The following STXBP5L variants were observed in gnomAD, a reference collection of about 807,000 sequenced individuals.
STXBP5L encodes the protein syntaxin-binding protein 5-like.
Under a neutral mutation model 144.5 loss-of-function variants are expected in STXBP5L, and 65 were observed. The ratio of observed to expected loss-of-function variants is 0.45; its 90% CI spans 0.37 to 0.55. The LOEUF (loss-of-function observed/expected upper bound fraction) is 0.55. Ranked by LOEUF, STXBP5L falls within the 20% of genes least tolerant of loss-of-function variation. The probability of loss-of-function intolerance (pLI) is 0.00; values close to 1 mark genes in which losing one functional copy is unlikely to be tolerated. For missense variants in STXBP5L, 1,298 were observed against 1,405.5 expected, an observed-to-expected ratio of 0.92 and a Z score of 1.22; for synonymous variants, 505 against 469.6, an observed-to-expected ratio of 1.08 and a Z score of -0.97.
At chr3:121,317,631 G>A (rs1189707957) in intron 19 of STXBP5L, among the ~76,000 whole-genome samples, 1 of 152,118 alleles carries the variant, frequency 6.6e-6, no homozygotes, top group Non-Finnish European at 1.5e-5. Context: ...AAGAAAGTCT[G>A]TGAGACTTTC....
At chr3:121,356,432 C>T (rs1474584025) in intron 20 of STXBP5L, among the ~76,000 whole-genome samples, 1 of 152,252 alleles carries the variant, frequency 6.6e-6, no homozygotes. Context: ...TGCCACCTCA[C>T]AGCTCAATCT....
intron 5 of STXBP5L, among the ~76,000 whole-genome samples, chr3:121,101,510 G>A (rs925341520): frequency 6.6e-6 from 1 of 152,002 alleles, no homozygotes; most frequent in African/African-American, 2.4e-5. Flanking sequence ...CACAGAAAAT[G>A]CTGTTGATAA....
intron 20 of STXBP5L, among the ~76,000 whole-genome samples, chr3:121,352,930 T>C (rs2045353015): frequency 6.6e-6 from 1 of 152,168 alleles, no homozygotes; most frequent in Non-Finnish European, 1.5e-5. Context: ...TCTGCATCTA[T>C]TGAGATAATC....
intron 10 of STXBP5L, among the ~76,000 whole-genome samples, chr3:121,216,813 A>G (rs542730959): frequency 1.3e-5 from 2 of 152,282 alleles, no homozygotes; most frequent in South Asian, 4.1e-4. Flanking sequence ...GCTCTGTCCA[A>G]GGGAGATGGG....
intron 19 of STXBP5L, among the ~76,000 whole-genome samples, chr3:121,306,432 C>T (rs2043339574): frequency 6.6e-6 from 1 of 152,100 alleles, no homozygotes; most frequent in Non-Finnish European, 1.5e-5. Context: ...TTGCCCTTAC[C>T]CCATCTTGCT....
chr3:121,115,477 A>T (rs2044192513), intron 6 of STXBP5L, among the ~76,000 whole-genome samples: 1 of 152,142 alleles, frequency 6.6e-6, no homozygotes, highest in Admixed American at 6.6e-5. Context: ...TCAGGGCTCA[A>T]ATATCTTTTA....
chr3:121,028,292 G>T (rs982388983), intron 3 of STXBP5L, among the ~76,000 whole-genome samples: 3 of 151,912 alleles, frequency 2.0e-5, no homozygotes, highest in Admixed American at 6.6e-5. Context: ...ACTTTTTCAG[G>T]CTATAGCAGA....
chr3:121,116,796 A>T (rs1049621388), intron 6 of STXBP5L, among the ~76,000 whole-genome samples: 105 of 152,080 alleles, frequency 6.9e-4, no homozygotes, highest in African/African-American at 2.5e-3. Context: ...TAAAAGCAAT[A>T]AAAGGGCTGA....
At chr3:121,337,857 C>G (rs147426794) in intron 20 of STXBP5L, among the ~76,000 whole-genome samples, 2 of 152,056 alleles carry the variant, frequency 1.3e-5, no homozygotes, top group Non-Finnish European at 2.9e-5. Context: ...ATATCAAGTA[C>G]CTTCTTAGAC....
At chr3:121,392,282 C>A (rs545989684) in intron 22 of STXBP5L, among the ~76,000 whole-genome samples, 1 of 152,142 alleles carries the variant, frequency 6.6e-6, no homozygotes, top group African/African-American at 2.4e-5. Flanking sequence ...GGCAGGAGTG[C>A]CCTGTTTTTC....
intron 7 of STXBP5L, among the ~76,000 whole-genome samples, chr3:121,138,398 G>A (rs2045355146): frequency 6.6e-6 from 1 of 151,974 alleles, no homozygotes; most frequent in Non-Finnish European, 1.5e-5. Flanking sequence ...CACAGAAATA[G>A]AAAAAACACC....
intron 16 of STXBP5L, among the ~76,000 whole-genome samples, chr3:121,256,146 A>G (rs576140180): frequency 1.3e-5 from 2 of 152,214 alleles, no homozygotes; most frequent in East Asian, 3.9e-4. Flanking sequence ...GAAAATAAAA[A>G]TAAACTTGGA....
At chr3:121,117,932 A>T (rs757525569) in intron 6 of STXBP5L, among the ~76,000 whole-genome samples, 10 of 151,772 alleles carry the variant, frequency 6.6e-5, no homozygotes, top group Non-Finnish European at 1.2e-4. Context: ...TATATGGGAA[A>T]ATATATACCA....
intron 3 of STXBP5L, among the ~76,000 whole-genome samples, chr3:121,020,802 G>A (rs1350527459): frequency 6.7e-6 from 1 of 150,036 alleles, no homozygotes; most frequent in Non-Finnish European, 1.5e-5. Context: ...CACCAAAATA[G>A]AATCTACTTA....
intron 14 of STXBP5L, 58 bp from the exon 15 acceptor site, chr3:121,250,665 A>T: frequency 7.2e-7 from 1 of 1,380,010 alleles, no homozygotes; most frequent in Non-Finnish European, 1.0e-6. Context: ...GTACATTTGG[A>T]GTGATTATGA....
chr3:121,050,440 A>G (rs1403765432), intron 5 of STXBP5L, among the ~76,000 whole-genome samples: 2 of 152,148 alleles, frequency 1.3e-5, no homozygotes, highest in Non-Finnish European at 2.9e-5. Flanking sequence ...CAACATTCTT[A>G]AAGAAAAGAA....
chr3:120,960,545 A>T (rs910568686), intron 3 of STXBP5L, among the ~76,000 whole-genome samples: 1 of 152,222 alleles, frequency 6.6e-6, no homozygotes, highest in Non-Finnish European at 1.5e-5. Context: ...TTAAGAAAAT[A>T]TGACACATAT....
chr3:121,310,100 G>A (rs2043474383), intron 19 of STXBP5L, among the ~76,000 whole-genome samples: 1 of 152,152 alleles, frequency 6.6e-6, no homozygotes, highest in African/African-American at 2.4e-5. Context: ...AATAATGGTG[G>A]AACAACTGGG....
intron 18 of STXBP5L, among the ~76,000 whole-genome samples, chr3:121,274,253 A>G (rs996618712): frequency 6.6e-6 from 1 of 152,216 alleles, no homozygotes; most frequent in African/African-American, 2.4e-5. Flanking sequence ...GAATGGCTAC[A>G]AGGGCACCAG....
Sources: allele counts gnomAD v4.1 joint callset (sites outside exome capture counted in the v4.1 genomes callset), GRCh38; gene constraint gnomAD v4.1.1; transcripts MANE v1.5; gene names NCBI Gene and HGNC (gene_info 2026-07-23, HGNC 2026-07-21).